CFAP61: variants seen among roughly 807,000 people sequenced by gnomAD.
The protein encoded by CFAP61 is cilia and flagella associated protein 61, also known as cilia- and flagella-associated protein 61.
A neutral mutation model predicts 135.6 loss-of-function variants in CFAP61; 107 were observed. The observed-to-expected ratio is 0.79, with a 90% CI of 0.67 to 0.93. The LOEUF (loss-of-function observed/expected upper bound fraction) is 0.93, where lower values mean the gene tolerates loss of function less well. Among genes scored for constraint, CFAP61 ranks in the 40% least tolerant of loss-of-function variants. The pLI is 0.00. For synonymous variants in CFAP61, 575 were observed against 578.5 expected (o/e 0.99, Z 0.09); for missense variants, 1,507 against 1,556.2 (o/e 0.97, Z 0.53).
chr20:20,218,239 G>A (rs2048167737), intron 17 of CFAP61, among the ~76,000 whole-genome samples: 1 of 152,136 alleles, frequency 6.6e-6, no homozygotes, highest in South Asian at 2.1e-4. Context: ...CATGGGGACT[G>A]GTCTTTCCTG....
intron 20 of CFAP61, among the ~76,000 whole-genome samples, chr20:20,256,748 C>G (rs1028981006): frequency 2.6e-5 from 4 of 152,154 alleles, no homozygotes; most frequent in Non-Finnish European, 4.4e-5. Flanking sequence ...AGAAGAGACT[C>G]AAGGGACAAT....
At chr20:20,269,553 GT>G in intron 21 of CFAP61, among the ~76,000 whole-genome samples, 1 of 152,084 alleles carries the variant, frequency 6.6e-6, no homozygotes, top group Middle Eastern at 3.4e-3. Flanking sequence ...TGTATTTTTA[GT>G]AGAGATGGGG....
intron 25 of CFAP61, among the ~76,000 whole-genome samples, chr20:20,304,973 C>T (rs142193147): frequency 2.6e-4 from 40 of 152,314 alleles, no homozygotes; most frequent in Admixed American, 7.8e-4. Context: ...ATCCTTTATC[C>T]TCGTGGTGTA....
intron 18 of CFAP61, among the ~76,000 whole-genome samples, chr20:20,237,708 G>A (rs1459902830): frequency 2.0e-5 from 3 of 152,130 alleles, no homozygotes; most frequent in Non-Finnish European, 2.9e-5. Flanking sequence ...ATACCAGTCC[G>A]TGCTCAGTTT....
intron 1 of CFAP61, among the ~76,000 whole-genome samples, chr20:20,054,744 A>T (rs988852765): frequency 2.6e-5 from 4 of 152,202 alleles, no homozygotes; most frequent in Admixed American, 2.6e-4. Flanking sequence ...CATGAGAAAT[A>T]TTCTGTCAGT....
In CFAP61 at chr20:20,056,772, G is replaced by A. The variant is rs141262041; in HGVS notation, c.119G>A (p.Gly40Glu). ...AGAAAATTTACCTGCAAGCTGTTTG[G>A]GAAGCTAAATATCATCTATCTTCTG... The part of the protein sequence containing the change: ...LIRKFTCKLF[G>E]KLNIIYLLEK... The change falls in exon 2 of 27, where the codon GGG becomes GAG. Residue 40 changes from glycine to glutamate, a missense_variant. Transcript: ENST00000245957. 256 of 1,613,972 alleles carry A rather than the reference G, an allele frequency of 1.6e-4. No individual in the cohort carries two copies. In the African/African-American group the frequency reaches 3.1e-3, roughly 20 times the overall value.
chr20:20,243,392 A>G (rs2050164477), intron 18 of CFAP61, among the ~76,000 whole-genome samples: 1 of 151,364 alleles, frequency 6.6e-6, no homozygotes, highest in African/African-American at 2.4e-5. Context: ...TTATGCCTTC[A>G]CATTTCAAAA....
chr20:20,113,582 A>G (rs1284638278), intron 8 of CFAP61, among the ~76,000 whole-genome samples: 1 of 152,192 alleles, frequency 6.6e-6, no homozygotes, highest in Non-Finnish European at 1.5e-5. Context: ...ATCTTAGACA[A>G]CTTTACTCAA....
intron 18 of CFAP61, among the ~76,000 whole-genome samples, chr20:20,244,282 A>C (rs1283437897): frequency 6.6e-6 from 1 of 152,058 alleles, no homozygotes; most frequent in East Asian, 1.9e-4. Context: ...TCCCTTCCAC[A>C]CTGCCCTAGC....
At position 20,359,680 on chromosome 20, in the gene CFAP61, A is replaced by AC. The variant is rs1555993868; in HGVS notation, c.3514-530_3514-529insC. On this transcript the variant is annotated intron_variant, in intron 26 of 26. Coordinates refer to ENST00000245957, the MANE Select transcript of CFAP61 (RefSeq NM_015585.4). The surrounding 1 kb of genome is among the most constrained non-coding windows in gnomAD (Gnocchi z 4.0). ...ATTCCGTCTCAAAAAGCAAAAAACA[A>AC]AACAACAACAACAACAAAACAAGTA... 2.5e-5 allele frequency among the ~76,000 whole-genome samples: 1 copy of AC among 39,980 alleles called. No individual in the cohort carries two copies. The highest frequency in any genetic ancestry group is 6.6e-4 in the South Asian group (1 of 1,516). 26.2% of individuals were successfully genotyped at this position (39,980 alleles called of 152,430 possible).
At chr20:20,231,017 C>T (rs770786967) in intron 18 of CFAP61, among the ~76,000 whole-genome samples, 31 of 152,158 alleles carry the variant, frequency 2.0e-4, no homozygotes, top group Non-Finnish European at 4.0e-4. Context: ...GTATTATTTC[C>T]ATGCAAGAAA....
Position 20,275,148 on chromosome 20 carries a change from A to G in CFAP61, c.2504-2018A>G, listed in dbSNP as rs568133073. Among the ~76,000 whole-genome samples, 5 of 152,306 alleles carry G rather than the reference A, an allele frequency of 3.3e-5. No individual in the cohort carries two copies. In the East Asian group the frequency reaches 9.7e-4, roughly 29 times the overall value. On this transcript the variant is annotated intron_variant, in intron 21 of 26. Coordinates refer to ENST00000245957, the MANE Select transcript of CFAP61 (RefSeq NM_015585.4). ...TCTGTGCACCTGCATTTCCCCATAG[A>G]TAGCAAATGCCTCAGGTAGCTGTCA... is the stretch of plus-strand genomic sequence containing the variant.
intron 24 of CFAP61, among the ~76,000 whole-genome samples, chr20:20,291,655 G>T (rs1048923522): frequency 1.3e-5 from 2 of 152,194 alleles, no homozygotes; most frequent in Non-Finnish European, 2.9e-5. Context: ...GGAGCAAGTA[G>T]ATTGCTTAGC....
At chr20:20,088,126 C>T (rs891369732) in intron 6 of CFAP61, among the ~76,000 whole-genome samples, 1 of 152,182 alleles carries the variant, frequency 6.6e-6, no homozygotes, top group African/African-American at 2.4e-5. Context: ...GTTTTAGCCT[C>T]ATCACTAGAA....
At position 20,246,101 on chromosome 20, in the gene CFAP61, TTTTC is replaced by T. The variant is rs1354546487; in HGVS notation, c.2061-12_2061-9del. 6.6e-7 allele frequency: 1 copy of T among 1,523,304 alleles called. No individual in the cohort carries two copies. 94.4% of individuals were successfully genotyped at this position (1,523,304 alleles called of 1,614,324 possible). A position where few individuals can be genotyped will look rare whatever the true frequency, so the allele number is the denominator to read the frequency against. On this transcript the variant is annotated splice_polypyrimidine_tract_variant and intron_variant, in intron 18 of 26. Coordinates refer to ENST00000245957, the MANE Select transcript of CFAP61 (RefSeq NM_015585.4). ...CACTTAACTGCTTGTTCTTTTTCATTTTTCTTTTTCTTTAGCTCTCACATGAAGT... is the reference window on the plus strand; with the variant it reads ...CACTTAACTGCTTGTTCTTTTTCATTTTTTTCTTTAGCTCTCACATGAAGT...
chr20:20,245,767 T>A (rs535737194), intron 18 of CFAP61, among the ~76,000 whole-genome samples: 3 of 152,376 alleles, frequency 2.0e-5, no homozygotes, highest in South Asian at 2.1e-4. Context: ...GCGATTGTTA[T>A]GCTTCCAAGC....
chr20:20,328,937 T>C (rs1316699012), intron 25 of CFAP61, among the ~76,000 whole-genome samples: 1 of 152,042 alleles, frequency 6.6e-6, no homozygotes. Flanking sequence ...GGTCTCAAGA[T>C]CCTCTCAACT....
chr20:20,334,675 G>C (rs2058114281), intron 25 of CFAP61, among the ~76,000 whole-genome samples: 2 of 152,162 alleles, frequency 1.3e-5, no homozygotes, highest in African/African-American at 4.8e-5. Flanking sequence ...TGCTCTTTCG[G>C]TTATGTAAAT....
rs551210048 is a variant in CFAP61 at position 20,066,586 on chromosome 20, C to T, written c.144-4268C>T. On this transcript the variant is annotated intron_variant, in intron 2 of 26. Coordinates refer to ENST00000245957, the MANE Select transcript of CFAP61 (RefSeq NM_015585.4). ...GCAAACTATCACAAGAACAGAAAAC[C>T]AAACACCACATGTTCTCACTCATAA... 9.9e-3 allele frequency among the ~76,000 whole-genome samples: 1,510 copies of T among 152,124 alleles called. 24 individuals carry two copies. Among genetic ancestry groups the T allele is most frequent in the African/African-American group, 0.034 (1,414 of 41,464 alleles).
Sources: allele counts gnomAD v4.1 joint callset (sites outside exome capture counted in the v4.1 genomes callset), GRCh38; gene constraint gnomAD v4.1.1; non-coding constraint Gnocchi (gnomAD v3.1); transcripts MANE v1.5; gene names NCBI Gene and HGNC (gene_info 2026-07-23, HGNC 2026-07-21).